The following VPS26B variants were observed in gnomAD, a reference collection of about 807,000 sequenced individuals.
VPS26B encodes the protein vacuolar protein sorting-associated protein 26B.
A neutral mutation model predicts 33.3 loss-of-function variants in VPS26B; 10 were observed. That is an observed-to-expected ratio of 0.30 (90% CI 0.19 to 0.51). The LOEUF (loss-of-function observed/expected upper bound fraction) is 0.51, where lower values mean the gene tolerates loss of function less well. Among genes scored for constraint, VPS26B ranks in the 20% least tolerant of loss-of-function variants. VPS26B has a pLI of 0.98. For missense variants in VPS26B, 317 were observed against 452.7 expected (o/e 0.70, Z 2.72); for synonymous variants, 190 against 176.9 (o/e 1.07, Z -0.59).
In VPS26B at chr11:134,243,150, A is replaced by G. The variant is rs1397001036; in HGVS notation, c.577A>G (p.Ile193Val). The G allele has an allele frequency of 6.2e-7, 1 of 1,614,234 alleles. No homozygotes were observed. Among genetic ancestry groups the G allele is most frequent in the South Asian group, 1.1e-5 (1 of 91,080 alleles). The change falls in exon 4 of 6, where the codon ATA becomes GTA. Residue 193 changes from isoleucine (I) to valine (V), a missense_variant. By Grantham distance (29) the Ile-to-Val change is conservative. Transcript: ENST00000281187. ...CTTGAAAGATGTCATTGTAGGGAAG[A>G]TATACTTCCTGCTGGTGAGAATCAA... ...YHLKDVIVGK[I>V]YFLLVRIKIK... is the part of the protein sequence containing the mutation.
chr11:134,228,043 C>T (rs193283985), intron 1 of VPS26B, among the ~76,000 whole-genome samples: 28 of 152,342 alleles, frequency 1.8e-4, no homozygotes, highest in African/African-American at 4.1e-4. Context: ...ATATTGTTCA[C>T]GCTCAATTAT....
chr11:134,239,263 G>C (rs2136051271), intron 2 of VPS26B, among the ~76,000 whole-genome samples: 1 of 152,240 alleles, frequency 6.6e-6, no homozygotes, highest in Middle Eastern at 3.4e-3. Context: ...TGCTCTCCTG[G>C]AATGCCCTTT....
rs1565360479 is a variant in VPS26B at position 134,247,588 on chromosome 11, C to T, written c.*1998C>T. ...GAAAGTGAGGGGAGGCTCCTGTCCC[C>T]CTCTCTTAAGGTCCCCAAACCTGGG... On this transcript the variant is annotated 3_prime_UTR_variant, in exon 6 of 6. Transcript: ENST00000281187. 6.5e-6 allele frequency: 1 copy of T among 152,694 alleles called. No individual in the cohort carries two copies. Among genetic ancestry groups the T allele is most frequent in the African/African-American group, 2.4e-5 (1 of 41,450 alleles). 9.5% of individuals were successfully genotyped at this position (152,694 alleles called of 1,614,324 possible).
At chr11:134,227,988 CAGTT>C (rs1179089411) in intron 1 of VPS26B, among the ~76,000 whole-genome samples, 2 of 152,208 alleles carry the variant, frequency 1.3e-5, no homozygotes, top group Non-Finnish European at 2.9e-5. Context: ...GGGCCAGTCT[CAGTT>C]GGTGTTGTAG....
At position 134,224,999 on chromosome 11, in the gene VPS26B, A is replaced by T. The variant is rs964991169; in HGVS notation, c.-124A>T. The T allele has an allele frequency of 1.9e-5, 16 of 832,204 alleles. No individual in the cohort carries two copies. The African/African-American group carries it at 2.7e-4, about 14-fold the overall frequency. The allele number at this position is 832,204 out of a possible 1,614,324, so 51.6% of individuals were successfully genotyped here. On this transcript the variant is annotated 5_prime_UTR_variant, in exon 1 of 6. Transcript: ENST00000281187. ...ACTGCCCGGCGGCAGCGGCGGAGCC[A>T]GGCAGCCCCGCGGCGGCCGAGCGCG... is the stretch of plus-strand genomic sequence containing the variant.
In VPS26B at chr11:134,239,271, T is replaced by G. The variant is rs143407161; in HGVS notation, c.381-720T>G. ...TAAGGTTTGCTCTCCTGGAATGCCC[T>G]TTTCTCCCTCCACACAGCACTGGAT... On this transcript the variant is annotated intron_variant, in intron 2 of 5. Coordinates refer to ENST00000281187, the MANE Select transcript of VPS26B (RefSeq NM_052875.5). Among the ~76,000 whole-genome samples, 79 of 152,284 alleles carry G rather than the reference T, an allele frequency of 5.2e-4. 1 individual carries two copies. The highest frequency in any genetic ancestry group is 9.8e-4 in the Admixed American group (15 of 15,298).
rs1211551462 is a variant in VPS26B at position 134,245,360 on chromosome 11, C to G, written c.865-84C>G. On this transcript the variant is annotated intron_variant, in intron 5 of 5. Transcript: ENST00000281187. This position sits in a 1 kb window ranked among gnomAD's most constrained non-coding sequence, Gnocchi z 4.7. ...AGAGGAGGTCCTTGCCCGAGATTCC[C>G]CACGTCAAAGTTGGGAGCCTCTAGG... 1 of 1,577,520 alleles carries G rather than the reference C, an allele frequency of 6.3e-7. No homozygotes were observed. Among genetic ancestry groups the G allele is most frequent in the Non-Finnish European group, 8.7e-7 (1 of 1,155,114 alleles).
At chr11:134,230,381 T>G (rs555758784) in intron 1 of VPS26B, among the ~76,000 whole-genome samples, 10 of 152,188 alleles carry the variant, frequency 6.6e-5, no homozygotes, top group Non-Finnish European at 1.5e-4. Context: ...TTTTCCCACA[T>G]CTCCTCCCAG....
chr11:134,227,436 G>C (rs1262171825), intron 1 of VPS26B, among the ~76,000 whole-genome samples: 1 of 152,196 alleles, frequency 6.6e-6, no homozygotes, highest in East Asian at 1.9e-4. Flanking sequence ...AGATAACCCA[G>C]AATGTCTTCT....
intron 1 of VPS26B, among the ~76,000 whole-genome samples, chr11:134,229,246 G>A (rs1938523583): frequency 6.6e-6 from 1 of 152,086 alleles, no homozygotes; most frequent in African/African-American, 2.4e-5. Context: ...GCCCAGGCTG[G>A]TCTGGAACTC....
intron 2 of VPS26B, chr11:134,236,354 A>G (rs1166082333): frequency 6.6e-6 from 1 of 152,130 alleles, no homozygotes; most frequent in Non-Finnish European, 1.5e-5. Context: ...GATTTGTCTT[A>G]AGCGTTTGTA....
At chr11:134,231,463 A>G (rs1254897708) in intron 1 of VPS26B, among the ~76,000 whole-genome samples, 1 of 152,038 alleles carries the variant, frequency 6.6e-6, no homozygotes, top group Non-Finnish European at 1.5e-5. Context: ...TGGGTTTCAC[A>G]GGGTTGGCAG....
chr11:134,229,508 G>T (rs981778691), intron 1 of VPS26B, among the ~76,000 whole-genome samples: 1 of 152,108 alleles, frequency 6.6e-6, no homozygotes, highest in Non-Finnish European at 1.5e-5. Flanking sequence ...GCCCCACTGC[G>T]TCTCCTTTTT....
Position 134,244,827 on chromosome 11 carries a change from A to G in VPS26B, c.722-111A>G. ...CGACTGCACCTTCCCAGAAGGCTGA[A>G]GTGCTCGTGTGCTGCACTCCAGTGG... On this transcript the variant is annotated intron_variant, in intron 4 of 5. Coordinates refer to ENST00000281187, the MANE Select transcript of VPS26B (RefSeq NM_052875.5). The surrounding 1 kb of genome is among the most constrained non-coding windows in gnomAD (Gnocchi z 4.0). 1 of 1,416,854 alleles carries G rather than the reference A, an allele frequency of 7.1e-7. No individual in the cohort carries two copies. Among genetic ancestry groups the G allele is most frequent in the Non-Finnish European group, 9.3e-7 (1 of 1,070,558 alleles). 87.8% of individuals were successfully genotyped at this position (1,416,854 alleles called of 1,614,324 possible). A position where few individuals can be genotyped will look rare whatever the true frequency, so the allele number is the denominator to read the frequency against.
chr11:134,242,819 A>G (rs1053536013), intron 3 of VPS26B, among the ~76,000 whole-genome samples: 3 of 152,262 alleles, frequency 2.0e-5, no homozygotes, highest in African/African-American at 2.4e-5. Flanking sequence ...AAACACAAAT[A>G]TAAAAGGTAC....
chr11:134,227,464 A>G (rs1351335608), intron 1 of VPS26B, among the ~76,000 whole-genome samples: 4 of 152,200 alleles, frequency 2.6e-5, no homozygotes, highest in African/African-American at 9.6e-5. Flanking sequence ...ACAGTGTGAA[A>G]TTAGCTGTTC....
intron 1 of VPS26B, among the ~76,000 whole-genome samples, chr11:134,232,857 A>T (rs1288441816): frequency 2.0e-5 from 3 of 152,218 alleles, no homozygotes; most frequent in Admixed American, 1.3e-4. Context: ...CGGCTTCCAC[A>T]CGAAAGCCAA....
In VPS26B at chr11:134,245,751, C is replaced by G; in HGVS notation, c.*161C>G. The stretch of plus-strand genomic sequence containing the variant: ...ACTTAAATTCTTTTCTCTGGAGAAC[C>G]CAAGGGGCTTGGGGTGGGAAGCAGT... On this transcript the variant is annotated 3_prime_UTR_variant, in exon 6 of 6. Coordinates refer to ENST00000281187, the MANE Select transcript of VPS26B (RefSeq NM_052875.5). This position sits in a 1 kb window ranked among gnomAD's most constrained non-coding sequence, Gnocchi z 4.7. 1 of 1,039,032 alleles carries G rather than the reference C, an allele frequency of 9.6e-7. No homozygotes were observed. The highest frequency in any genetic ancestry group is 1.4e-6 in the Non-Finnish European group (1 of 737,970). The allele number at this position is 1,039,032 out of a possible 1,614,324, so 64.4% of individuals were successfully genotyped here.
chr11:134,243,469 T>A lies in VPS26B; in HGVS notation c.721+175T>A, dbSNP rs148077797. On this transcript the variant is annotated intron_variant, in intron 4 of 5. Transcript: ENST00000281187. Reference sequence around the variant, plus strand: ...CATAAGGAAGAAAAGGAAGGCTGAGTGTGTAGAACTTGAGGCTACTATCCC... The same window carrying A: ...CATAAGGAAGAAAAGGAAGGCTGAGAGTGTAGAACTTGAGGCTACTATCCC... The A allele has an allele frequency of 2.0e-3, 1,502 of 732,746 alleles. 14 individuals are homozygous for A. Among genetic ancestry groups the A allele is most frequent in the East Asian group, 0.013 (486 of 36,650 alleles). The allele number at this position is 732,746 out of a possible 1,614,324, so 45.4% of individuals were successfully genotyped here. A position where few individuals can be genotyped will look rare whatever the true frequency, so the allele number is the denominator to read the frequency against.
Sources: allele counts gnomAD v4.1 joint callset (sites outside exome capture counted in the v4.1 genomes callset), GRCh38; gene constraint gnomAD v4.1.1; non-coding constraint Gnocchi (gnomAD v3.1); transcripts MANE v1.5; gene names NCBI Gene and HGNC (gene_info 2026-07-23, HGNC 2026-07-21).